Variants in NOD1 observed in about 807,000 individuals in gnomAD.
NOD1 encodes nucleotide-binding oligomerization domain-containing protein 1.
Under a neutral mutation model 81.2 loss-of-function variants are expected in NOD1, and 70 were observed. The ratio of observed to expected loss-of-function variants is 0.86; its 90% CI spans 0.71 to 1.05. NOD1 has a LOEUF of 1.05. NOD1 is among the 50% of genes least tolerant of loss of function. NOD1 has a pLI of 0.00. For missense variants in NOD1, 1,233 were observed against 1,228.0 expected, an observed-to-expected ratio of 1.00 and a Z score of -0.06; for synonymous variants, 508 against 526.9, an observed-to-expected ratio of 0.96 and a Z score of 0.49.
In NOD1 at chr7:30,433,083, C is replaced by T; in HGVS notation, c.2705+13G>A. The T allele has an allele frequency of 6.3e-7, 1 of 1,584,642 alleles. No homozygotes were observed. The highest frequency in any genetic ancestry group is 8.7e-7 in the Non-Finnish European group (1 of 1,153,642). On this transcript the variant is annotated intron_variant, in intron 12 of 13. Transcript: ENST00000222823. ...AGTAGCACAGTCTGAAATTGTAAGG[C>T]TCTCTGAGTTACCATAAATGCTTTA...
At chr7:30,462,948 C>CA (rs11313806) in intron 1 of NOD1, among the ~76,000 whole-genome samples, 22,511 of 100,990 alleles carry the variant, frequency 0.22, 2,433 homozygotes, top group East Asian at 0.38. Flanking sequence ...GACTCCATCT[C>CA]AAAAAAAAAA....
rs1410361948 is a variant in NOD1 at position 30,425,693 on chromosome 7, A to T, written c.2807T>A (p.Ile936Lys). 1.2e-6 allele frequency: 2 copies of T among 1,613,546 alleles called. No individual in the cohort carries two copies. ...ITEICLNGNLIKPEEAKVYED... is the reference protein window; with the variant it reads ...ITEICLNGNLKKPEEAKVYED... Reference sequence around the variant, plus strand: ...ATAGACTTTGGCCTCCTCTGGTTTTATCAGGTTTCCATTTAGGCTGTTGAA... The same window carrying T: ...ATAGACTTTGGCCTCCTCTGGTTTTTTCAGGTTTCCATTTAGGCTGTTGAA... The change falls in exon 14 of 14, where the codon ATA becomes AAA. Residue 936 changes from isoleucine (I) to lysine (K), a missense_variant. Coordinates refer to ENST00000222823, the MANE Select transcript of NOD1 (RefSeq NM_006092.4).
intron 9 of NOD1, among the ~76,000 whole-genome samples, chr7:30,445,673 C>T (rs529741148): frequency 3.3e-4 from 49 of 146,284 alleles, no homozygotes; most frequent in Middle Eastern, 3.6e-3. Flanking sequence ...GCGAGAGAAT[C>T]GCTTGAACCC....
At chr7:30,439,196 C>T (rs1334567448) in intron 9 of NOD1, among the ~76,000 whole-genome samples, 4 of 152,166 alleles carry the variant, frequency 2.6e-5, no homozygotes, top group East Asian at 3.8e-4. Context: ...TAAAAATTAC[C>T]ATGTGATCCA....
chr7:30,449,380 C>T (rs139280951), intron 6 of NOD1, among the ~76,000 whole-genome samples: 150 of 152,280 alleles, frequency 9.9e-4, no homozygotes, highest in African/African-American at 3.6e-3. Context: ...TAGCTGGGCC[C>T]ATCTCATTAA....
At chr7:30,470,359 C>A (rs748684603) in intron 1 of NOD1, among the ~76,000 whole-genome samples, 1 of 152,224 alleles carries the variant, frequency 6.6e-6, no homozygotes, top group African/African-American at 2.4e-5. Context: ...TCAAGGCCAG[C>A]ACTGATGACA....
In NOD1 at chr7:30,429,382, T is replaced by A; in HGVS notation, c.2781A>T (p.Thr927=). ...ADALQSNTGI[T]EICLNGNLIK... is the part of the protein sequence containing the mutation. ...AAACGCTGGGATCTTACCAAATCTC[T>A]GTTATGCCAGTGTTGCTCTGTAACG... Residue 927 remains threonine, a synonymous_variant, in exon 13 of 14, where the codon ACA becomes ACT. Coordinates refer to ENST00000222823, the MANE Select transcript of NOD1 (RefSeq NM_006092.4). The A allele has an allele frequency of 6.2e-7, 1 of 1,613,668 alleles. No homozygotes were observed. Among genetic ancestry groups the A allele is most frequent in the Non-Finnish European group, 8.5e-7 (1 of 1,179,482 alleles).
chr7:30,456,766 G>T lies in NOD1; in HGVS notation c.156C>A (p.Ala52=), dbSNP rs2075818. ...AGGCACACACAATCTCCGCATCTTC[G>T]GCCGAGAAGTAGTCATTCTTCAGCA... ...DNLLKNDYFS[A]EDAEIVCACP... The change falls in exon 4 of 14, where the codon GCC becomes GCA. Residue 52 remains alanine, a synonymous_variant. Coordinates refer to ENST00000222823, the MANE Select transcript of NOD1 (RefSeq NM_006092.4). 17 of 1,613,748 alleles carry T rather than the reference G, an allele frequency of 1.1e-5. No homozygotes were observed. Among genetic ancestry groups the T allele is most frequent in the South Asian group, 2.2e-5 (2 of 91,078 alleles).
At chr7:30,439,345 C>T (rs894086413) in intron 9 of NOD1, among the ~76,000 whole-genome samples, 4 of 141,406 alleles carry the variant, frequency 2.8e-5, no homozygotes, top group Admixed American at 1.4e-4. Context: ...TCTGAGGTAC[C>T]GGGTTCATCT....
chr7:30,464,693 T>C (rs1787507511), intron 1 of NOD1, among the ~76,000 whole-genome samples: 1 of 152,216 alleles, frequency 6.6e-6, no homozygotes. Context: ...AGGGGCACTC[T>C]CAGTTTATGT....
chr7:30,434,652 T>C (rs1276537526), intron 11 of NOD1, among the ~76,000 whole-genome samples: 1 of 152,226 alleles, frequency 6.6e-6, no homozygotes, highest in Non-Finnish European at 1.5e-5. Context: ...GTACTTTCAC[T>C]TCCTCCTTTT....
rs55924701 is a variant in NOD1 at position 30,437,645 on chromosome 7, T to C, written c.2465A>G (p.Asn822Ser). 1.9e-5 allele frequency: 29 copies of C among 1,513,048 alleles called. No homozygotes were observed. Among genetic ancestry groups the C allele is most frequent in the Admixed American group, 5.4e-5 (2 of 37,058 alleles). The allele number at this position is 1,513,048 out of a possible 1,614,324, so 93.7% of individuals were successfully genotyped here. The stretch of plus-strand genomic sequence containing the variant: ...TTTTGCTCCTTCATCCCCAACTTGA[T>C]TGCCCCACATCCTGAGGGAGGAGAC... ...KSISEVGMWGNQVGDEGAKAF... is the reference protein window; with the variant it reads ...KSISEVGMWGSQVGDEGAKAF... The change falls in exon 10 of 14, where the codon AAT (asparagine) becomes AGT (serine). Residue 822 changes from asparagine (N) to serine (S), a missense_variant. Transcript: ENST00000222823.
At position 30,451,049 on chromosome 7, in the gene NOD1, G is replaced by A. The variant is rs1257228144; in HGVS notation, c.2201+167C>T. 2.0e-5 allele frequency among the ~76,000 whole-genome samples: 3 copies of A among 152,148 alleles called. No homozygotes were observed. Among genetic ancestry groups the A allele is most frequent in the South Asian group, 4.1e-4 (2 of 4,834 alleles). On this transcript the variant is annotated intron_variant, in intron 6 of 13. Coordinates refer to ENST00000222823, the MANE Select transcript of NOD1 (RefSeq NM_006092.4). The surrounding 1 kb of genome is among the most constrained non-coding windows in gnomAD (Gnocchi z 4.2). ...TGGCTGATCCAGGTCCACCTGCCTC[G>A]AAGCTTTGCACCTTGACCTCTGCCC...
At chr7:30,466,901 T>C (rs969787192) in intron 1 of NOD1, among the ~76,000 whole-genome samples, 2 of 152,182 alleles carry the variant, frequency 1.3e-5, no homozygotes, top group African/African-American at 4.8e-5. Flanking sequence ...ACCTTCTTTA[T>C]TTGTCCTTGG....
At chr7:30,445,667 G>C (rs192789245) in intron 9 of NOD1, among the ~76,000 whole-genome samples, 2 of 144,774 alleles carry the variant, frequency 1.4e-5, no homozygotes, top group Non-Finnish European at 3.0e-5. Context: ...GCTGAGGCGA[G>C]AGAATCGCTT....
intron 1 of NOD1, among the ~76,000 whole-genome samples, chr7:30,466,191 G>A (rs1787672651): frequency 6.6e-6 from 1 of 152,208 alleles, no homozygotes; most frequent in Non-Finnish European, 1.5e-5. Flanking sequence ...CACAGTGGTA[G>A]AAGTATTCAG....
chr7:30,451,141 A>C lies in NOD1; in HGVS notation c.2201+75T>G, dbSNP rs1785649279. The C allele has an allele frequency of 6.6e-7, 1 of 1,506,178 alleles. No individual in the cohort carries two copies. Among genetic ancestry groups the C allele is most frequent in the Non-Finnish European group, 9.0e-7 (1 of 1,116,296 alleles). The allele number at this position is 1,506,178 out of a possible 1,614,324, so 93.3% of individuals were successfully genotyped here. The stretch of plus-strand genomic sequence containing the variant: ...CATGAGTCCTGGGGGATCCTGGTCC[A>C]TGATGCCATTCCCGATGCCCTCCGA... On this transcript the variant is annotated intron_variant, in intron 6 of 13. Transcript: ENST00000222823. The surrounding 1 kb of genome is among the most constrained non-coding windows in gnomAD (Gnocchi z 4.2).
chr7:30,437,956 C>T (rs1002943804), intron 9 of NOD1, among the ~76,000 whole-genome samples: 3 of 152,212 alleles, frequency 2.0e-5, no homozygotes, highest in African/African-American at 7.2e-5. Context: ...GAGCTGTCAG[C>T]CCAGGAGCCT....
chr7:30,451,998 C>G lies in NOD1; in HGVS notation c.1419G>C (p.Lys473Asn), dbSNP rs1785778507. The change falls in exon 6 of 14, where the codon AAG (lysine) becomes AAC (asparagine). Residue 473 changes from lysine to asparagine, a missense_variant. Lys to Asn is a moderately conservative substitution (Grantham distance 94). Coordinates refer to ENST00000222823, the MANE Select transcript of NOD1 (RefSeq NM_006092.4). This position sits in a 1 kb window ranked among gnomAD's most constrained non-coding sequence, Gnocchi z 4.2. ...LGQVAHRGME[K>N]SLFVFTQEEV... ...CCTCCTGGGTGAAGACAAAGAGGCT[C>G]TTCTCCATGCCCCGGTGGGCCACCT... is the stretch of plus-strand genomic sequence containing the variant. 1 of 1,613,556 alleles carries G rather than the reference C, an allele frequency of 6.2e-7. No individual in the cohort carries two copies. Among genetic ancestry groups the G allele is most frequent in the Non-Finnish European group, 8.5e-7 (1 of 1,179,984 alleles).
Sources: gnomAD v4.1 joint callset for allele counts (sites outside exome capture counted in the v4.1 genomes callset) on GRCh38, gnomAD v4.1.1 for gene constraint, Gnocchi (gnomAD v3.1) non-coding constraint, MANE v1.5 for transcripts, NCBI Gene and HGNC (gene_info 2026-07-23, HGNC 2026-07-21) for gene names.